The following ANKS1B variants were observed in gnomAD, a reference collection of about 807,000 sequenced individuals.
The protein encoded by ANKS1B is ankyrin repeat and sterile alpha motif domain-containing protein 1B.
Under a neutral mutation model 148.3 loss-of-function variants are expected in ANKS1B, and 36 were observed. The observed-to-expected ratio is 0.24, with a 90% CI of 0.19 to 0.32. The LOEUF is 0.32. Ranked by LOEUF, ANKS1B falls within the 10% of genes least tolerant of loss-of-function variation. The pLI is 1.00. For missense variants in ANKS1B, 1,157 were observed against 1,542.6 expected, an observed-to-expected ratio of 0.75 and a Z score of 4.19; for synonymous variants, 542 against 560.8, an observed-to-expected ratio of 0.97 and a Z score of 0.47.
At chr12:99,648,821 G>A in intron 9 of ANKS1B, 1 of 1,584,102 alleles carries the variant, frequency 6.3e-7, no homozygotes. Context: ...ATGGGGCCTG[G>A]ATGCTTTGGG....
chr12:99,359,552 T>C (rs2092318306), intron 12 of ANKS1B, among the ~76,000 whole-genome samples: 1 of 152,134 alleles, frequency 6.6e-6, no homozygotes, highest in Non-Finnish European at 1.5e-5. Context: ...AATAGTTTCT[T>C]ATTGTTAAAA....
intron 17 of ANKS1B, among the ~76,000 whole-genome samples, chr12:98,995,322 G>A (rs899828875): frequency 6.6e-6 from 1 of 152,094 alleles, no homozygotes; most frequent in Non-Finnish European, 1.5e-5. Flanking sequence ...CAGGCATGGT[G>A]GTTCACGCCT....
chr12:99,500,985 A>G (rs1595936376), intron 10 of ANKS1B, among the ~76,000 whole-genome samples: 1 of 152,056 alleles, frequency 6.6e-6, no homozygotes, highest in African/African-American at 2.4e-5. Context: ...CCAGTTCACT[A>G]TATCTCCCTT....
chr12:99,518,188 G>T (rs1180778848), intron 9 of ANKS1B, among the ~76,000 whole-genome samples: 10 of 151,704 alleles, frequency 6.6e-5, no homozygotes, highest in Non-Finnish European at 1.3e-4. Context: ...TTTTTTATGG[G>T]TCTTTGTCTG....
At chr12:99,654,937 A>C (rs2098443066) in intron 9 of ANKS1B, 130 bp downstream of exon 9, 2 of 1,074,614 alleles carry the variant, frequency 1.9e-6, no homozygotes, top group Non-Finnish European at 1.3e-6. Context: ...ACTTTGAGAA[A>C]AACCACAAGA....
At chr12:99,544,133 A>T (rs2097152073) in intron 9 of ANKS1B, among the ~76,000 whole-genome samples, 1 of 152,204 alleles carries the variant, frequency 6.6e-6, no homozygotes, top group African/African-American at 2.4e-5. Context: ...TCTTTAAAAA[A>T]AAACTACCTT....
chr12:99,675,959 C>T (rs1307913941), intron 8 of ANKS1B, among the ~76,000 whole-genome samples: 1 of 152,064 alleles, frequency 6.6e-6, no homozygotes, highest in East Asian at 1.9e-4. Flanking sequence ...GCTTTGTCCC[C>T]ACTCAAATCT....
intron 17 of ANKS1B, among the ~76,000 whole-genome samples, chr12:98,888,644 C>A (rs2099745576): frequency 6.6e-6 from 1 of 152,224 alleles, no homozygotes; most frequent in Non-Finnish European, 1.5e-5. Context: ...GACAGATATT[C>A]CATGAGCTGT....
intron 10 of ANKS1B, among the ~76,000 whole-genome samples, chr12:99,483,416 T>C (rs1567189880): frequency 6.6e-6 from 1 of 151,976 alleles, no homozygotes; most frequent in Non-Finnish European, 1.5e-5. Flanking sequence ...TTGTTCAGGA[T>C]TTTTGCATCT....
chr12:99,880,081 C>A (rs190923191), intron 1 of ANKS1B, among the ~76,000 whole-genome samples: 1 of 152,080 alleles, frequency 6.6e-6, no homozygotes, highest in Admixed American at 6.6e-5. Flanking sequence ...TCCTCTTGAC[C>A]TGAAAAAATG....
chr12:98,948,715 A>T (rs1322833603), intron 17 of ANKS1B, among the ~76,000 whole-genome samples: 1 of 150,812 alleles, frequency 6.6e-6, no homozygotes, highest in African/African-American at 2.4e-5. Context: ...GGTAGGAATA[A>T]TTATGCCAAT....
rs113825475 is a variant in ANKS1B, at chr12:99,284,589, G to GT, written c.1757-37726dup. ...TCCTGCCACCTTAGTCCAAACCAGT[G>GT]TTTTTTTTCTTGCCAGGACAATGAC... On this transcript the variant is annotated intron_variant, in intron 12 of 26. Coordinates refer to ENST00000683438, the MANE Select transcript of ANKS1B (RefSeq NM_001352186.2). Among the ~76,000 whole-genome samples, 6 of 151,986 alleles carry GT rather than the reference G, an allele frequency of 3.9e-5. No homozygotes were observed. In the East Asian group the frequency reaches 5.8e-4, roughly 15 times the overall value.
intron 14 of ANKS1B, among the ~76,000 whole-genome samples, chr12:99,184,250 A>G (rs1299562657): frequency 6.6e-6 from 1 of 152,222 alleles, no homozygotes; most frequent in East Asian, 1.9e-4. Context: ...TAGTTCAAAA[A>G]ATATGTCAAG....
intron 17 of ANKS1B, among the ~76,000 whole-genome samples, chr12:98,961,074 A>C (rs556546930): frequency 6.6e-6 from 1 of 152,242 alleles, no homozygotes; most frequent in Non-Finnish European, 1.5e-5. Context: ...AAGTACAAAG[A>C]GAAATAGGTG....
chr12:99,468,235 T>C (rs1172912590), intron 10 of ANKS1B, among the ~76,000 whole-genome samples: 2 of 152,148 alleles, frequency 1.3e-5, no homozygotes, highest in African/African-American at 4.8e-5. Flanking sequence ...TGGCTAGCCA[T>C]ATGTAGAAAG....
chr12:98,924,350 G>A (rs79162775), intron 17 of ANKS1B, among the ~76,000 whole-genome samples: 1,706 of 152,314 alleles, frequency 0.011, 33 homozygotes, highest in African/African-American at 0.039. Context: ...GTTCAGTAAG[G>A]TAGATAGTAC....
At chr12:99,907,976 T>G (rs900009617) in intron 1 of ANKS1B, among the ~76,000 whole-genome samples, 16 of 152,154 alleles carry the variant, frequency 1.1e-4, no homozygotes, top group Non-Finnish European at 2.1e-4. Flanking sequence ...AATGTAGTGG[T>G]GTGGTTAAAA....
rs527523571 is a variant in ANKS1B, at chr12:99,448,243, T to C, written c.1439-4434A>G. 2.9e-4 allele frequency among the ~76,000 whole-genome samples: 44 copies of C among 152,208 alleles called. 1 individual carries two copies. Among genetic ancestry groups the C allele is most frequent in the African/African-American group, 1.0e-3 (43 of 41,550 alleles). ...ATAAATGGAAAGAAAATGTAATATA[T>C]ACATACAGTGGAATACTATGCTGCC... On this transcript the variant is annotated intron_variant, in intron 10 of 26. Transcript: ENST00000683438.
chr12:99,217,731 G>A (rs1296076958), intron 14 of ANKS1B, among the ~76,000 whole-genome samples: 1 of 152,060 alleles, frequency 6.6e-6, no homozygotes, highest in Non-Finnish European at 1.5e-5. Flanking sequence ...ACTAGAAGAA[G>A]CTTGCCAAAG....
Sources: gnomAD v4.1 joint callset for allele counts (sites outside exome capture counted in the v4.1 genomes callset) on GRCh38, gnomAD v4.1.1 for gene constraint, MANE v1.5 for transcripts, NCBI Gene and HGNC (gene_info 2026-07-23, HGNC 2026-07-21) for gene names.